Variants in SEMA3E observed in about 807,000 individuals in gnomAD.
SEMA3E encodes the protein semaphorin-3E.
A neutral mutation model predicts 93.6 loss-of-function variants in SEMA3E; 49 were observed. The observed-to-expected ratio is 0.52, with a 90% CI of 0.42 to 0.66. The LOEUF (loss-of-function observed/expected upper bound fraction) is 0.66, where lower values mean the gene tolerates loss of function less well. Ranked by LOEUF, SEMA3E falls within the 30% of genes least tolerant of loss-of-function variation. SEMA3E has a pLI of 0.00. For missense variants in SEMA3E, 906 were observed against 964.8 expected, an observed-to-expected ratio of 0.94 and a Z score of 0.81; for synonymous variants, 363 against 330.7, an observed-to-expected ratio of 1.10 and a Z score of -1.06.
At chr7:83,607,083 T>G (rs1793140325) in intron 1 of SEMA3E, among the ~76,000 whole-genome samples, 1 of 152,194 alleles carries the variant, frequency 6.6e-6, no homozygotes, top group Non-Finnish European at 1.5e-5. Flanking sequence ...ATAGTTCCTA[T>G]TTCAACCATT....
rs1790348444 is a variant in SEMA3E at position 83,490,104 on chromosome 7, A to C, written c.276+10T>G. 6.2e-7 allele frequency: 1 copy of C among 1,611,906 alleles called. No homozygotes were observed. Among genetic ancestry groups the C allele is most frequent in the African/African-American group, 1.3e-5 (1 of 74,832 alleles). On this transcript the variant is annotated intron_variant, in intron 2 of 16. Coordinates refer to ENST00000643230, the MANE Select transcript of SEMA3E (RefSeq NM_012431.3). ...TATCTCTACTGAAATGCAGTTTGATATTTCTATACCTCTTTATAGCCGTCA... is the reference window on the plus strand; with the variant it reads ...TATCTCTACTGAAATGCAGTTTGATCTTTCTATACCTCTTTATAGCCGTCA...
At chr7:83,464,414 T>C (rs1021902139) in intron 4 of SEMA3E, among the ~76,000 whole-genome samples, 1 of 138,298 alleles carries the variant, frequency 7.2e-6, no homozygotes, top group Non-Finnish European at 1.6e-5. Flanking sequence ...TGTCAAGTCA[T>C]ACTCCTATTC....
chr7:83,521,687 T>A (rs921433255), intron 1 of SEMA3E, among the ~76,000 whole-genome samples: 4 of 152,112 alleles, frequency 2.6e-5, no homozygotes, highest in African/African-American at 9.7e-5. Flanking sequence ...GGCTTGAATA[T>A]GGCTGTCTTC....
intron 1 of SEMA3E, among the ~76,000 whole-genome samples, chr7:83,604,245 T>C (rs1793056913): frequency 6.6e-6 from 1 of 152,032 alleles, no homozygotes; most frequent in Non-Finnish European, 1.5e-5. Context: ...AAAACGCATA[T>C]ACAGAGAAAG....
intron 4 of SEMA3E, among the ~76,000 whole-genome samples, chr7:83,448,288 G>T (rs1168303862): frequency 6.6e-6 from 1 of 152,114 alleles, no homozygotes; most frequent in Non-Finnish European, 1.5e-5. Flanking sequence ...TACTGTTAAG[G>T]AGTCGATGTA....
intron 1 of SEMA3E, among the ~76,000 whole-genome samples, chr7:83,554,724 C>A (rs1342652711): frequency 1.3e-5 from 2 of 152,114 alleles, no homozygotes; most frequent in Non-Finnish European, 2.9e-5. Context: ...CTACTGTAAT[C>A]CCAGCACTTT....
At chr7:83,567,207 G>A (rs921652730) in intron 1 of SEMA3E, among the ~76,000 whole-genome samples, 7 of 152,152 alleles carry the variant, frequency 4.6e-5, no homozygotes, top group African/African-American at 1.4e-4. Context: ...TCAGCTAGAG[G>A]ATGTAACAAT....
At chr7:83,397,231 A>G (rs893894920) in intron 11 of SEMA3E, among the ~76,000 whole-genome samples, 3 of 152,118 alleles carry the variant, frequency 2.0e-5, no homozygotes, top group African/African-American at 7.2e-5. Flanking sequence ...GCCTGGCCAA[A>G]AATGAGAGGA....
At chr7:83,550,614 TTTTTG>T (rs1329374149) in intron 1 of SEMA3E, among the ~76,000 whole-genome samples, 2 of 152,118 alleles carry the variant, frequency 1.3e-5, no homozygotes, top group African/African-American at 2.4e-5. Context: ...TTAAAGAGAA[TTTTTG>T]TTTTGTTTTG....
intron 1 of SEMA3E, among the ~76,000 whole-genome samples, chr7:83,557,817 A>G (rs1023786333): frequency 1.3e-5 from 2 of 152,170 alleles, no homozygotes; most frequent in African/African-American, 2.4e-5. Context: ...TGCTCTAAGA[A>G]TTATACTTGG....
intron 4 of SEMA3E, among the ~76,000 whole-genome samples, chr7:83,447,629 CTTAT>C (rs767049031): frequency 2.0e-5 from 3 of 152,134 alleles, no homozygotes; most frequent in African/African-American, 7.2e-5. Context: ...AACACGGAAG[CTTAT>C]TTATTTACTC....
rs1447496862 is a variant in SEMA3E, at chr7:83,581,884, T to G, written c.115+66544A>C. Among the ~76,000 whole-genome samples, 4 of 152,018 alleles carry G rather than the reference T, an allele frequency of 2.6e-5. No homozygotes were observed. In the East Asian group the frequency reaches 7.7e-4, roughly 29 times the overall value. ...CAAGGATAATGGTTGGAGGGCTTTT[T>G]GGAGCAATAGGAAATCCTGTCACCA... On this transcript the variant is annotated intron_variant, in intron 1 of 16. Coordinates refer to ENST00000643230, the MANE Select transcript of SEMA3E (RefSeq NM_012431.3).
At chr7:83,491,993 A>T (rs1245474014) in intron 1 of SEMA3E, among the ~76,000 whole-genome samples, 1 of 152,056 alleles carries the variant, frequency 6.6e-6, no homozygotes, top group African/African-American at 2.4e-5. Context: ...ATTTGTCTTT[A>T]TACATAAGCA....
intron 12 of SEMA3E, among the ~76,000 whole-genome samples, chr7:83,396,310 T>A (rs1165558126): frequency 6.6e-6 from 1 of 150,494 alleles, no homozygotes; most frequent in African/African-American, 2.5e-5. Flanking sequence ...GAAAATGTAT[T>A]TTTTTTTGTC....
chr7:83,367,705 TATCTG>T lies in SEMA3E; in HGVS notation c.2204_2208del (p.Thr735LysfsTer7). Reference sequence around the variant, plus strand: ...GACATTTTAAGCTTTTTCCTCTTTCTATCTGTGCACCATACTTTCTCGCAGTATTC... The same window carrying T: ...GACATTTTAAGCTTTTTCCTCTTTCTTGCACCATACTTTCTCGCAGTATTC... On this transcript the variant is annotated frameshift_variant, in exon 17 of 17. Transcript: ENST00000643230. LOFTEE classifies it high-confidence loss of function. 6.2e-7 allele frequency: 1 copy of T among 1,614,120 alleles called. No homozygotes were observed. The highest frequency in any genetic ancestry group is 1.1e-5 in the South Asian group (1 of 91,078).
chr7:83,584,310 G>A (rs575700694), intron 1 of SEMA3E, among the ~76,000 whole-genome samples: 1 of 152,166 alleles, frequency 6.6e-6, no homozygotes, highest in Admixed American at 6.5e-5. Context: ...GAATGCCAAA[G>A]ACCAGACTCA....
intron 11 of SEMA3E, 48 bp from the exon 12 acceptor site, chr7:83,396,777 C>G: frequency 7.4e-7 from 1 of 1,345,384 alleles, no homozygotes; most frequent in Non-Finnish European, 1.0e-6. Flanking sequence ...TGTCACAGTA[C>G]GGTTTTCAAA....
intron 1 of SEMA3E, among the ~76,000 whole-genome samples, chr7:83,627,289 T>C (rs546540280): frequency 6.6e-6 from 1 of 152,286 alleles, no homozygotes; most frequent in South Asian, 2.1e-4. Flanking sequence ...ATCTGTCTAA[T>C]ATTGACAGTG....
intron 1 of SEMA3E, among the ~76,000 whole-genome samples, chr7:83,577,319 T>TC (rs1382245919): frequency 1.3e-5 from 2 of 152,202 alleles, no homozygotes; most frequent in African/African-American, 4.8e-5. Context: ...TTGCATGTTT[T>TC]CCCTTCGTTT....
Sources: allele counts gnomAD v4.1 joint callset (sites outside exome capture counted in the v4.1 genomes callset), GRCh38; gene constraint gnomAD v4.1.1; transcripts MANE v1.5; gene names NCBI Gene and HGNC (gene_info 2026-07-23, HGNC 2026-07-21).